Variants in CHLSN observed in about 807,000 individuals in gnomAD.
CHLSN encodes the protein cholesin.
the CHLSN span, chr7:1,092,520 G>C: frequency 6.2e-7 from 1 of 1,608,176 alleles, no homozygotes; most frequent in Non-Finnish European, 8.5e-7. Flanking sequence ...TCCTCGCGGT[G>C]GTGCTGGTCT....
chr7:1,019,218 G>T, the CHLSN span, among the ~76,000 whole-genome samples: 7 of 137,464 alleles, frequency 5.1e-5, no homozygotes, highest in Non-Finnish European at 1.1e-4. Flanking sequence ...AAAACGGGGG[G>T]GGGGGAGTGA....
the CHLSN span, chr7:986,667 ACCGGC>A: frequency 6.2e-7 from 1 of 1,612,640 alleles, no homozygotes; most frequent in Non-Finnish European, 8.5e-7. Flanking sequence ...CTCCAGCTGC[ACCGGC>A]CCGTCCTGCG....
the CHLSN span, among the ~76,000 whole-genome samples, chr7:1,116,364 C>G: frequency 7.1e-6 from 1 of 141,644 alleles, no homozygotes; most frequent in Non-Finnish European, 1.5e-5. Context: ...CACTACAGCT[C>G]TAGGGACAGC....
the CHLSN span, among the ~76,000 whole-genome samples, chr7:1,111,244 TAAATA>T: frequency 6.6e-6 from 1 of 152,214 alleles, no homozygotes; most frequent in African/African-American, 2.4e-5. Context: ...TTAAAATAAA[TAAATA>T]AAATAAAGCA....
the CHLSN span, among the ~76,000 whole-genome samples, chr7:1,024,279 A>G: frequency 1.3e-5 from 2 of 152,202 alleles, no homozygotes; most frequent in African/African-American, 4.8e-5. Context: ...CAGAAGCCTC[A>G]GCTCAAGAGG....
At chr7:1,038,370 G>A in the CHLSN span, among the ~76,000 whole-genome samples, 21 of 92,334 alleles carry the variant, frequency 2.3e-4, no homozygotes, top group South Asian at 7.5e-4. Context: ...CTGCCCGGCC[G>A]CCCCTACTGG....
At chr7:1,012,179 T>A in the CHLSN span, among the ~76,000 whole-genome samples, 8 of 152,186 alleles carry the variant, frequency 5.3e-5, no homozygotes, top group African/African-American at 1.9e-4. Flanking sequence ...CGGGCCAAAG[T>A]CCATAACACT....
the CHLSN span, chr7:1,109,373 C>T: frequency 6.6e-5 from 10 of 152,184 alleles, no homozygotes; most frequent in Non-Finnish European, 1.3e-4. Flanking sequence ...GTCCTAATCC[C>T]AACAGGCTGA....
At chr7:1,008,856 C>CACACGTAA in the CHLSN span, among the ~76,000 whole-genome samples, 26 of 128,644 alleles carry the variant, frequency 2.0e-4, no homozygotes, top group Non-Finnish European at 3.2e-4. Flanking sequence ...CACACGTAAA[C>CACACGTAA]ACACGCACAC....
At chr7:991,667 C>T in the CHLSN span, among the ~76,000 whole-genome samples, 1 of 152,256 alleles carries the variant, frequency 6.6e-6, no homozygotes, top group Admixed American at 6.5e-5. Context: ...GTCTACGCCT[C>T]ATTTCCAAGT....
the CHLSN span, among the ~76,000 whole-genome samples, chr7:1,001,150 G>C: frequency 1.3e-5 from 2 of 152,188 alleles, no homozygotes; most frequent in Admixed American, 1.3e-4. Flanking sequence ...GGCCAGGCAG[G>C]GTTTACTCCA....
the CHLSN span, among the ~76,000 whole-genome samples, chr7:1,118,016 G>T: frequency 6.6e-6 from 1 of 152,182 alleles, no homozygotes; most frequent in East Asian, 1.9e-4. Flanking sequence ...AATGCTGCCA[G>T]TGTCACATGC....
At chr7:1,107,197 G>A in the CHLSN span, among the ~76,000 whole-genome samples, 3 of 152,142 alleles carry the variant, frequency 2.0e-5, no homozygotes, top group Non-Finnish European at 4.4e-5. Flanking sequence ...CACCCACCCG[G>A]AAAAACTGCC....
At chr7:1,019,675 C>T in the CHLSN span, among the ~76,000 whole-genome samples, 1 of 152,230 alleles carries the variant, frequency 6.6e-6, no homozygotes, top group Non-Finnish European at 1.5e-5. Flanking sequence ...AACCTCCAGG[C>T]CCATCACCAC....
At chr7:997,587 C>A in the CHLSN span, 1 of 1,473,824 alleles carries the variant, frequency 6.8e-7, no homozygotes. Flanking sequence ...CTGAGGCAGC[C>A]CTGCACTGGG....
the CHLSN span, among the ~76,000 whole-genome samples, chr7:1,053,233 C>T: frequency 1.3e-5 from 2 of 152,246 alleles, no homozygotes; most frequent in African/African-American, 2.4e-5. Context: ...GCCAGGCTCC[C>T]ACAGAACCCC....
At chr7:987,265 C>T in the CHLSN span, 25 of 1,504,262 alleles carry the variant, frequency 1.7e-5, no homozygotes, top group Admixed American at 3.5e-4. Context: ...CGGCGCCTGG[C>T]GAGACGGCTC....
At chr7:1,127,344 T>C in the CHLSN span, 13 of 1,609,322 alleles carry the variant, frequency 8.1e-6, no homozygotes, top group Admixed American at 8.4e-5. Context: ...TTTTGTTCTT[T>C]TTCTCTGTCA....
chr7:981,056 G>A, the CHLSN span, among the ~76,000 whole-genome samples: 1 of 151,920 alleles, frequency 6.6e-6, no homozygotes, highest in African/African-American at 2.4e-5. Context: ...AGTGCTTTGG[G>A]AGGCCAAGGC....
Sources: gnomAD v4.1 joint callset for allele counts (sites outside exome capture counted in the v4.1 genomes callset) on GRCh38, gnomAD v4.1.1 for gene constraint, MANE v1.5 for transcripts, NCBI Gene and HGNC (gene_info 2026-07-23, HGNC 2026-07-21) for gene names.